Variants in PCDHA6 observed in about 807,000 individuals in gnomAD.
PCDHA6 encodes protocadherin alpha-6.
Under a neutral mutation model 60.3 loss-of-function variants are expected in PCDHA6, and 55 were observed. That is an observed-to-expected ratio of 0.91 (90% CI 0.73 to 1.14). The LOEUF (loss-of-function observed/expected upper bound fraction) is 1.14, where lower values mean the gene tolerates loss of function less well. Ranked by LOEUF, PCDHA6 falls within the 50% of genes most tolerant of loss-of-function variation. The pLI is 0.00. For synonymous variants in PCDHA6, 652 were observed against 557.9 expected (o/e 1.17, Z -2.38); for missense variants, 1,327 against 1,256.5 (o/e 1.06, Z -0.85).
intron 1 of PCDHA6, chr5:140,861,376 C>G (rs1490345053): frequency 4.8e-6 from 2 of 418,688 alleles, no homozygotes; most frequent in African/African-American, 4.1e-5. Flanking sequence ...GTCCCTATTG[C>G]GCAGGACCTG....
rs1427134752 is a variant in PCDHA6 at position 140,834,645 on chromosome 5, T to C, written c.2394+4160T>C. Reference sequence around the variant, plus strand: ...GCAGAATGGCATTTTGTTTGTGAATTCTCGGATCGACCGCGAGGAGCTGTG... The same window carrying C: ...GCAGAATGGCATTTTGTTTGTGAATCCTCGGATCGACCGCGAGGAGCTGTG... On this transcript the variant is annotated intron_variant, in intron 1 of 3. Transcript: ENST00000529310. The C allele has an allele frequency of 2.5e-6, 4 of 1,614,086 alleles. No individual in the cohort carries two copies. The East Asian group carries it at 8.9e-5, about 36-fold the overall frequency.
At chr5:140,837,464 C>T (rs1295340702) in intron 1 of PCDHA6, among the ~76,000 whole-genome samples, 1 of 151,746 alleles carries the variant, frequency 6.6e-6, no homozygotes, top group African/African-American at 2.4e-5. Flanking sequence ...CTCCTTGCCT[C>T]CTCAAACCCC....
intron 1 of PCDHA6, among the ~76,000 whole-genome samples, chr5:140,915,282 T>C (rs2077058994): frequency 2.0e-5 from 3 of 152,152 alleles, no homozygotes; most frequent in South Asian, 2.1e-4. Flanking sequence ...CATCATTTAC[T>C]CTTTCTACTT....
intron 1 of PCDHA6, chr5:140,876,061 C>G (rs782151232): frequency 6.2e-7 from 1 of 1,613,778 alleles, no homozygotes; most frequent in Non-Finnish European, 8.5e-7. Context: ...ATTAGTTCTT[C>G]GGAAGTTATT....
rs1554262229 is a variant in PCDHA6, at chr5:141,009,613, G to A, written c.2543-14G>A. ...GTTGACCCTGTTAATGATTTGTAATGTTTTGTCTTTCAGAACCAGAGGCAG... is the reference window on the plus strand; with the variant it reads ...GTTGACCCTGTTAATGATTTGTAATATTTTGTCTTTCAGAACCAGAGGCAG... On this transcript the variant is annotated splice_polypyrimidine_tract_variant and intron_variant, in intron 3 of 3. Coordinates refer to ENST00000529310, the MANE Select transcript of PCDHA6 (RefSeq NM_018909.4). The A allele has an allele frequency of 6.2e-7, 1 of 1,611,932 alleles. No individual in the cohort carries two copies. Among genetic ancestry groups the A allele is most frequent in the Non-Finnish European group, 8.5e-7 (1 of 1,178,618 alleles).
intron 1 of PCDHA6, chr5:140,966,517 A>T (rs1285058359): frequency 4.6e-6 from 2 of 435,352 alleles, no homozygotes; most frequent in Non-Finnish European, 8.0e-6. Context: ...CAGCAGCAGG[A>T]AGCCGAGCCG....
In PCDHA6 at chr5:140,857,261, T is replaced by C. The variant is rs145652579; in HGVS notation, c.2394+26776T>C. The C allele has an allele frequency of 4.9e-5, 79 of 1,598,562 alleles. 6 individuals carry two copies. The African/African-American group carries it at 9.1e-4, about 18-fold the overall frequency. On this transcript the variant is annotated intron_variant, in intron 1 of 3. Coordinates refer to ENST00000529310, the MANE Select transcript of PCDHA6 (RefSeq NM_018909.4). ...GGTGTCCACCTACAAGAATTACTACTCATTGGTGCTGGACAGCGCTCTGGA... is the reference window on the plus strand; with the variant it reads ...GGTGTCCACCTACAAGAATTACTACCCATTGGTGCTGGACAGCGCTCTGGA...
chr5:140,863,333 CGTT>C, intron 1 of PCDHA6: 1 of 1,399,240 alleles, frequency 7.1e-7, no homozygotes. Flanking sequence ...TTAGTGCTCA[CGTT>C]GCTGCTGTAC....
At chr5:140,928,652 A>T in intron 1 of PCDHA6, 1 of 1,614,188 alleles carries the variant, frequency 6.2e-7, no homozygotes, top group Non-Finnish European at 8.5e-7. Context: ...GTAGCAGAGG[A>T]TGCTGACAGT....
intron 1 of PCDHA6, chr5:140,857,734 C>G: frequency 3.1e-6 from 5 of 1,597,392 alleles, no homozygotes; most frequent in Non-Finnish European, 4.3e-6. Flanking sequence ...ACAACGCTCC[C>G]GCGCTGCTGG....
At chr5:140,837,815 T>C (rs903227742) in intron 1 of PCDHA6, among the ~76,000 whole-genome samples, 3 of 151,770 alleles carry the variant, frequency 2.0e-5, no homozygotes, top group Admixed American at 2.0e-4. Flanking sequence ...TAGCTGGGAA[T>C]ACAGTTTGCA....
intron 1 of PCDHA6, chr5:140,842,646 C>T: frequency 6.3e-7 from 1 of 1,595,360 alleles, no homozygotes; most frequent in Non-Finnish European, 8.6e-7. Flanking sequence ...GCCAGCTTGT[C>T]TGTGGAGGTG....
intron 1 of PCDHA6, among the ~76,000 whole-genome samples, chr5:140,953,085 A>G (rs1197965470): frequency 2.0e-5 from 3 of 152,246 alleles, no homozygotes; most frequent in African/African-American, 4.8e-5. Flanking sequence ...ATTGGGGATT[A>G]CAATTTGACA....
rs1274715970 is a variant in PCDHA6, at chr5:140,849,195, G to A, written c.2394+18710G>A. ...CGTTCAATTACTCATCACGGTACTG[G>A]ACAACAATGACAATGCCCCAGTGTT... On this transcript the variant is annotated intron_variant, in intron 1 of 3. Coordinates refer to ENST00000529310, the MANE Select transcript of PCDHA6 (RefSeq NM_018909.4). The A allele has an allele frequency of 2.4e-5, 25 of 1,038,632 alleles. 3 individuals carry two copies. The highest frequency in any genetic ancestry group is 1.1e-4 in the Admixed American group (4 of 36,524). 64.3% of individuals were successfully genotyped at this position (1,038,632 alleles called of 1,614,324 possible).
Position 141,009,998 on chromosome 5 carries a change from T to A in PCDHA6, c.*61T>A. On this transcript the variant is annotated 3_prime_UTR_variant, in exon 4 of 4. Transcript: ENST00000529310. ...TTGTAATAATGGCAAATCTCTCCCA[T>A]GTAGCAATTCCCTGCTCCTTTTTCC... 1 of 1,575,994 alleles carries A rather than the reference T, an allele frequency of 6.3e-7. No individual in the cohort carries two copies. Among genetic ancestry groups the A allele is most frequent in the Non-Finnish European group, 8.6e-7 (1 of 1,164,944 alleles).
chr5:140,899,788 C>T (rs1260643506), intron 1 of PCDHA6, among the ~76,000 whole-genome samples: 3 of 152,054 alleles, frequency 2.0e-5, no homozygotes, highest in Admixed American at 6.6e-5. Context: ...TGGTATAATT[C>T]GGCTGTGAAT....
At position 140,833,586 on chromosome 5, in the gene PCDHA6, T is replaced by C. The variant is rs1377047796; in HGVS notation, c.2394+3101T>C. Among the ~76,000 whole-genome samples the C allele has an allele frequency of 3.9e-5, 6 of 152,200 alleles. No homozygotes were observed. The East Asian group carries it at 9.7e-4, about 25-fold the overall frequency. ...ATAAAATGATGAACTCCTGAAACAGTATATATAGATTCTGCTAAAGCAAAA... is the reference window on the plus strand; with the variant it reads ...ATAAAATGATGAACTCCTGAAACAGCATATATAGATTCTGCTAAAGCAAAA... On this transcript the variant is annotated intron_variant, in intron 1 of 3. Transcript: ENST00000529310.
At chr5:140,856,940 A>G (rs2044280502) in intron 1 of PCDHA6, 1 of 1,593,596 alleles carries the variant, frequency 6.3e-7, no homozygotes, top group African/African-American at 1.3e-5. Context: ...AAACGAAAGG[A>G]CGGGAGAAAT....
Position 140,851,165 on chromosome 5 carries a change from G to A in PCDHA6, c.2394+20680G>A. Reference sequence around the variant, plus strand: ...GACATTGAATTTCTGATGCTATGCTGCCATAACACTTGAAAACCAATTTAG... The same window carrying A: ...GACATTGAATTTCTGATGCTATGCTACCATAACACTTGAAAACCAATTTAG... On this transcript the variant is annotated intron_variant, in intron 1 of 3. Transcript: ENST00000529310. 5 of 1,284,508 alleles carry A rather than the reference G, an allele frequency of 3.9e-6. 1 individual carries two copies. Among genetic ancestry groups the A allele is most frequent in the Non-Finnish European group, 5.0e-6 (5 of 997,876 alleles). 79.6% of individuals were successfully genotyped at this position (1,284,508 alleles called of 1,614,324 possible).
Sources: allele counts gnomAD v4.1 joint callset (sites outside exome capture counted in the v4.1 genomes callset), GRCh38; gene constraint gnomAD v4.1.1; transcripts MANE v1.5; gene names NCBI Gene and HGNC (gene_info 2026-07-23, HGNC 2026-07-21).